CHLSN: variants seen among roughly 807,000 people sequenced by gnomAD.
CHLSN encodes cholesin.
At chr7:1,098,267 G>A in the CHLSN span, among the ~76,000 whole-genome samples, 6 of 152,152 alleles carry the variant, frequency 3.9e-5, no homozygotes, top group East Asian at 1.9e-4. Flanking sequence ...TCCACTCCAC[G>A]CCCATGGATC....
chr7:1,008,845 A>ACACACGTG, the CHLSN span, among the ~76,000 whole-genome samples: 1 of 66,458 alleles, frequency 1.5e-5, no homozygotes, highest in African/African-American at 7.8e-5. Context: ...ATACACACGC[A>ACACACGTG]CACACGTAAA....
the CHLSN span, among the ~76,000 whole-genome samples, chr7:1,029,517 C>T: frequency 6.6e-6 from 1 of 152,238 alleles, no homozygotes; most frequent in Admixed American, 6.5e-5. Flanking sequence ...CCTGCCTTGG[C>T]CTCCTAAAGC....
chr7:1,045,102 C>G, the CHLSN span, among the ~76,000 whole-genome samples: 1 of 152,232 alleles, frequency 6.6e-6, no homozygotes, highest in Non-Finnish European at 1.5e-5. Flanking sequence ...GGACAGTTGG[C>G]AGGGCATGGG....
At chr7:1,010,158 A>T in the CHLSN span, 4 of 1,603,366 alleles carry the variant, frequency 2.5e-6, no homozygotes, top group South Asian at 2.2e-5. Context: ...AAGTCAAGGA[A>T]CACATTAGGC....
At chr7:981,220 C>T in the CHLSN span, among the ~76,000 whole-genome samples, 2 of 149,558 alleles carry the variant, frequency 1.3e-5, no homozygotes, top group African/African-American at 5.0e-5. Context: ...CACTTGAACA[C>T]GGGCGATGGA....
the CHLSN span, chr7:1,058,040 G>A: frequency 1.4e-5 from 11 of 768,738 alleles, no homozygotes; most frequent in Non-Finnish European, 2.2e-5. Flanking sequence ...CCACCCGCGC[G>A]CTAGAGTGCG....
At chr7:1,126,088 G>A in the CHLSN span, among the ~76,000 whole-genome samples, 1 of 152,072 alleles carries the variant, frequency 6.6e-6, no homozygotes, top group Admixed American at 6.6e-5. Flanking sequence ...AGGGCCTGGA[G>A]CAGTGGCTCA....
chr7:997,909 C>T, the CHLSN span: 59 of 1,080,844 alleles, frequency 5.5e-5, no homozygotes, highest in South Asian at 1.0e-4. Flanking sequence ...CTCAGGCTTC[C>T]GTCCTCCCAC....
At chr7:997,782 G>C in the CHLSN span, 2 of 1,606,832 alleles carry the variant, frequency 1.2e-6, no homozygotes, top group Non-Finnish European at 1.7e-6. Flanking sequence ...GGCCAGCAGG[G>C]TGGAGAAGTG....
the CHLSN span, among the ~76,000 whole-genome samples, chr7:1,080,144 T>C: frequency 4.6e-5 from 7 of 152,316 alleles, no homozygotes; most frequent in South Asian, 8.3e-4. Context: ...AGTGGCCACT[T>C]TGGCAGCTTT....
the CHLSN span, among the ~76,000 whole-genome samples, chr7:1,119,024 G>A: frequency 6.6e-6 from 1 of 152,104 alleles, no homozygotes; most frequent in Non-Finnish European, 1.5e-5. Context: ...GGAGGCCGAG[G>A]CAGGAGGATC....
At chr7:1,065,770 C>G in the CHLSN span, among the ~76,000 whole-genome samples, 2 of 152,342 alleles carry the variant, frequency 1.3e-5, no homozygotes, top group African/African-American at 4.8e-5. Flanking sequence ...TGTGTGCTTC[C>G]CGAGTACAGA....
chr7:1,109,357 C>T, the CHLSN span: 1 of 152,200 alleles, frequency 6.6e-6, no homozygotes, highest in Admixed American at 6.5e-5. Flanking sequence ...TAAGACCCTT[C>T]AAGTGGTCCT....
At chr7:1,116,106 G>A in the CHLSN span, among the ~76,000 whole-genome samples, 2 of 93,032 alleles carry the variant, frequency 2.1e-5, no homozygotes. Context: ...CTAGGGACCG[G>A]CTTCCATCAC....
At chr7:983,464 C>T in the CHLSN span, 648 of 1,303,570 alleles carry the variant, frequency 5.0e-4, 1 homozygote, top group Non-Finnish European at 6.2e-4. Context: ...AAGCCCAGCC[C>T]GGTTTCCACT....
At chr7:1,130,608 A>C in the CHLSN span, among the ~76,000 whole-genome samples, 2 of 137,878 alleles carry the variant, frequency 1.5e-5, no homozygotes, top group African/African-American at 5.3e-5. Flanking sequence ...ACTCCTCCCC[A>C]CCCTCCAGCT....
At chr7:1,053,897 C>A in the CHLSN span, among the ~76,000 whole-genome samples, 2 of 152,240 alleles carry the variant, frequency 1.3e-5, no homozygotes, top group Non-Finnish European at 2.9e-5. Context: ...GGCTAACAGC[C>A]TGCAGGCAGG....
chr7:1,127,193 C>T, the CHLSN span: 22 of 1,510,776 alleles, frequency 1.5e-5, no homozygotes, highest in East Asian at 4.0e-4. Context: ...CACCCCCTCT[C>T]CCTCCAGATC....
At chr7:1,091,419 T>C in the CHLSN span, 9 of 308,740 alleles carry the variant, frequency 2.9e-5, no homozygotes, top group Non-Finnish European at 5.4e-5. Flanking sequence ...ACCCAGAGAG[T>C]GAGCAGCTCC....
Sources: gnomAD v4.1 joint callset for allele counts (sites outside exome capture counted in the v4.1 genomes callset) on GRCh38, gnomAD v4.1.1 for gene constraint, MANE v1.5 for transcripts, NCBI Gene and HGNC (gene_info 2026-07-23, HGNC 2026-07-21) for gene names.